CNTN5: variants seen among roughly 807,000 people sequenced by gnomAD.
CNTN5 encodes contactin-5.
A neutral mutation model predicts 129.1 loss-of-function variants in CNTN5; 77 were observed. The ratio of observed to expected loss-of-function variants is 0.60; its 90% confidence interval spans 0.50 to 0.72. The LOEUF is 0.72. Among genes scored for constraint, CNTN5 ranks in the 30% least tolerant of loss-of-function variants. CNTN5 has a pLI of 0.00. For missense variants in CNTN5, 1,478 were observed against 1,328.8 expected (o/e 1.11, Z -1.75); for synonymous variants, 509 against 465.6 (o/e 1.09, Z -1.20).
chr11:99,261,879 T>A (rs1862645278), intron 1 of CNTN5, among the ~76,000 whole-genome samples: 1 of 152,034 alleles, frequency 6.6e-6, no homozygotes, highest in Non-Finnish European at 1.5e-5. Flanking sequence ...ATTCTCATAC[T>A]GTAGAGCCTT....
chr11:99,457,738 T>C (rs1477076040), intron 2 of CNTN5, among the ~76,000 whole-genome samples: 1 of 151,808 alleles, frequency 6.6e-6, no homozygotes, highest in Non-Finnish European at 1.5e-5. Context: ...TAGATTGTTA[T>C]ATTATTTTTA....
intron 2 of CNTN5, among the ~76,000 whole-genome samples, chr11:99,515,439 C>G (rs1225048324): frequency 1.3e-5 from 2 of 151,984 alleles, no homozygotes; most frequent in Non-Finnish European, 1.5e-5. Flanking sequence ...TAGGTAAACA[C>G]TTGCTTAATA....
intron 8 of CNTN5, among the ~76,000 whole-genome samples, chr11:99,960,497 T>C (rs1249551946): frequency 2.0e-5 from 3 of 152,176 alleles, no homozygotes; most frequent in Non-Finnish European, 4.4e-5. Flanking sequence ...TATGACTTAA[T>C]ATGATATTTT....
intron 13 of CNTN5, among the ~76,000 whole-genome samples, chr11:100,106,427 C>G (rs1945433461): frequency 6.6e-6 from 1 of 152,104 alleles, no homozygotes; most frequent in Admixed American, 6.6e-5. Flanking sequence ...ACCAAAGATT[C>G]CTTTCCCTTA....
At chr11:100,093,196 G>A (rs1335957029) in intron 13 of CNTN5, among the ~76,000 whole-genome samples, 1 of 152,214 alleles carries the variant, frequency 6.6e-6, no homozygotes, top group East Asian at 1.9e-4. Flanking sequence ...TTATGATCTA[G>A]CTGTGGGAAG....
At chr11:99,578,841 C>T (rs1591307142) in intron 3 of CNTN5, among the ~76,000 whole-genome samples, 2 of 152,188 alleles carry the variant, frequency 1.3e-5, no homozygotes, top group African/African-American at 4.8e-5. Context: ...TAATTAGATC[C>T]CATTTGTCAA....
intron 24 of CNTN5, among the ~76,000 whole-genome samples, chr11:100,355,819 TTTTA>T (rs1192866973): frequency 4.0e-5 from 6 of 151,712 alleles, no homozygotes; most frequent in African/African-American, 1.4e-4. Context: ...ATCAAAATTA[TTTTA>T]TTTTTTATAT....
At chr11:99,805,070 C>T (rs894543688) in intron 3 of CNTN5, among the ~76,000 whole-genome samples, 2 of 152,020 alleles carry the variant, frequency 1.3e-5, no homozygotes, top group South Asian at 2.1e-4. Flanking sequence ...ATATAAATTT[C>T]GACAAAGAGA....
chr11:99,920,909 CT>C lies in CNTN5; in HGVS notation c.673+4768del, dbSNP rs988259710. 1.1e-4 allele frequency among the ~76,000 whole-genome samples: 17 copies of C among 151,824 alleles called. 1 individual carries two copies. The highest frequency in any genetic ancestry group is 3.6e-4 in the African/African-American group (15 of 41,434). On this transcript the variant is annotated intron_variant, in intron 7 of 24. Transcript: ENST00000524871. ...TAGAAGGTGGTATTTGGAGATGGGG[CT>C]TTTTTTTAGTTTTATATGAGGCCTT...
intron 6 of CNTN5, among the ~76,000 whole-genome samples, chr11:99,881,839 G>T (rs779948610): frequency 1.3e-5 from 2 of 152,168 alleles, no homozygotes; most frequent in Non-Finnish European, 2.9e-5. Context: ...TACTATCTGA[G>T]AGTTGCACAG....
intron 3 of CNTN5, among the ~76,000 whole-genome samples, chr11:99,576,778 G>A (rs1255049292): frequency 6.6e-6 from 1 of 152,144 alleles, no homozygotes; most frequent in African/African-American, 2.4e-5. Context: ...CTCATCACTT[G>A]TTGGAAGGAG....
At chr11:100,270,048 A>G (rs977215994) in intron 17 of CNTN5, among the ~76,000 whole-genome samples, 2 of 152,140 alleles carry the variant, frequency 1.3e-5, no homozygotes, top group African/African-American at 4.8e-5. Flanking sequence ...GCAAGAGGGA[A>G]CAGAGTTGTT....
chr11:99,490,254 C>A (rs1215488767), intron 2 of CNTN5, among the ~76,000 whole-genome samples: 1 of 152,010 alleles, frequency 6.6e-6, no homozygotes, highest in Non-Finnish European at 1.5e-5. Context: ...CAATTTTGAC[C>A]AACTCAAGAA....
intron 8 of CNTN5, among the ~76,000 whole-genome samples, chr11:99,983,641 T>C (rs150897904): frequency 6.6e-6 from 1 of 152,338 alleles, no homozygotes; most frequent in East Asian, 1.9e-4. Flanking sequence ...GAAAGGACTT[T>C]TGGAGAAAGA....
chr11:99,521,884 A>C (rs1376810354), intron 2 of CNTN5, among the ~76,000 whole-genome samples: 1 of 152,214 alleles, frequency 6.6e-6, no homozygotes, highest in Non-Finnish European at 1.5e-5. Flanking sequence ...TTTATCTGTT[A>C]TCAGGAAGAA....
intron 7 of CNTN5, among the ~76,000 whole-genome samples, chr11:99,936,877 A>C (rs902020855): frequency 6.6e-6 from 1 of 152,202 alleles, no homozygotes; most frequent in Non-Finnish European, 1.5e-5. Flanking sequence ...GTTCCTCTTA[A>C]ATATTAACCA....
chr11:99,657,665 CT>C (rs1294184095), intron 3 of CNTN5, among the ~76,000 whole-genome samples: 3 of 151,936 alleles, frequency 2.0e-5, no homozygotes, highest in Non-Finnish European at 2.9e-5. Flanking sequence ...TTTTTAGGTA[CT>C]TGACAAGTTG....
At chr11:100,337,466 T>C in intron 21 of CNTN5, 3 of 746,980 alleles carry the variant, frequency 4.0e-6, no homozygotes, top group Non-Finnish European at 7.5e-6. Flanking sequence ...TGATTAAGTC[T>C]TACCCAAGAC....
chr11:99,278,253 G>T (rs1448202198), intron 1 of CNTN5, among the ~76,000 whole-genome samples: 1 of 151,536 alleles, frequency 6.6e-6, no homozygotes, highest in Non-Finnish European at 1.5e-5. Flanking sequence ...AGTGGGCTAG[G>T]CTTTCACTTG....
Sources: gnomAD v4.1 joint callset for allele counts (sites outside exome capture counted in the v4.1 genomes callset) on GRCh38, gnomAD v4.1.1 for gene constraint, MANE v1.5 for transcripts, NCBI Gene and HGNC (gene_info 2026-07-23, HGNC 2026-07-21) for gene names.